The following PCDH15 variants were observed in gnomAD, a reference collection of about 807,000 sequenced individuals.
The protein encoded by PCDH15 is protocadherin related 15.
PCDH15 carries 129 observed loss-of-function variants against 178.5 expected under a neutral mutation model. The observed-to-expected ratio is 0.72, with a 90% CI of 0.63 to 0.84. The LOEUF is 0.84. PCDH15 is among the 40% of genes least tolerant of loss of function. PCDH15 has a pLI of 0.00. For missense variants in PCDH15, 2,230 were observed against 2,099.9 expected, an observed-to-expected ratio of 1.06 and a Z score of -1.21; for synonymous variants, 800 against 732.0, an observed-to-expected ratio of 1.09 and a Z score of -1.50.
At chr10:54,366,066 G>T (rs1946748915) in intron 5 of PCDH15, among the ~76,000 whole-genome samples, 1 of 152,070 alleles carries the variant, frequency 6.6e-6, no homozygotes, top group Non-Finnish European at 1.5e-5. Context: ...GATAAGTAGT[G>T]AGGGGATGAT....
chr10:54,996,752 A>T (rs1268217101), intron 2 of PCDH15, among the ~76,000 whole-genome samples: 1 of 152,068 alleles, frequency 6.6e-6, no homozygotes, highest in African/African-American at 2.4e-5. Context: ...TTAGTACATG[A>T]TGTTCTTCTG....
At chr10:54,039,379 A>G (rs1452930196) in intron 18 of PCDH15, among the ~76,000 whole-genome samples, 1 of 151,972 alleles carries the variant, frequency 6.6e-6, no homozygotes, top group Non-Finnish European at 1.5e-5. Flanking sequence ...ATTAAGGGCC[A>G]TATCACACAA....
At chr10:54,629,108 T>C (rs1411953266) in intron 2 of PCDH15, among the ~76,000 whole-genome samples, 1 of 152,060 alleles carries the variant, frequency 6.6e-6, no homozygotes. Context: ...ACAGTACTTA[T>C]TATTCCACCG....
intron 28 of PCDH15, among the ~76,000 whole-genome samples, chr10:53,846,983 T>TA (rs941593005): frequency 1.3e-5 from 2 of 152,008 alleles, no homozygotes; most frequent in African/African-American, 4.8e-5. Flanking sequence ...AGAGGCAGTG[T>TA]AACAGAGGAA....
At chr10:54,962,637 C>T (rs1187461514) in intron 2 of PCDH15, among the ~76,000 whole-genome samples, 1 of 152,182 alleles carries the variant, frequency 6.6e-6, no homozygotes, top group Non-Finnish European at 1.5e-5. Context: ...AAGCCATGGC[C>T]TCACACAGAA....
intron 1 of PCDH15, among the ~76,000 whole-genome samples, chr10:55,256,222 C>A (rs1841993399): frequency 6.6e-6 from 1 of 152,194 alleles, no homozygotes; most frequent in East Asian, 1.9e-4. Flanking sequence ...TTCCCCATTT[C>A]TTGTTTTTGT....
intron 1 of PCDH15, among the ~76,000 whole-genome samples, chr10:54,799,702 C>T (rs941624851): frequency 6.6e-6 from 1 of 152,038 alleles, no homozygotes; most frequent in Non-Finnish European, 1.5e-5. Context: ...CATTAAATGG[C>T]ACTTTTATTT....
At chr10:55,380,291 T>A (rs1837502858) in intron 2 of PCDH15, among the ~76,000 whole-genome samples, 1 of 152,092 alleles carries the variant, frequency 6.6e-6, no homozygotes. Context: ...TGTGAAAACA[T>A]TGGTTTTTAA....
Position 54,598,166 on chromosome 10 carries a change from G to A in PCDH15, c.91+66006C>T, listed in dbSNP as rs552976475. Among the ~76,000 whole-genome samples, 128 of 152,178 alleles carry A rather than the reference G, an allele frequency of 8.4e-4. 1 individual carries two copies. The highest frequency in any genetic ancestry group is 3.0e-3 in the African/African-American group (124 of 41,546). On this transcript the variant is annotated intron_variant, in intron 2 of 37. Transcript: ENST00000644397. The stretch of plus-strand genomic sequence containing the variant: ...ATCATCCTGATAACAAAACCTGGCA[G>A]AGACACAACAAAAAAGAGAACTTTA...
intron 2 of PCDH15, among the ~76,000 whole-genome samples, chr10:55,537,205 G>C (rs1304237221): frequency 6.6e-6 from 1 of 152,032 alleles, no homozygotes; most frequent in Non-Finnish European, 1.5e-5. Context: ...ATACATGCCA[G>C]AGAATCTTAG....
chr10:54,846,827 C>A (rs1284479070), intron 3 of PCDH15, among the ~76,000 whole-genome samples: 1 of 151,854 alleles, frequency 6.6e-6, no homozygotes, highest in Non-Finnish European at 1.5e-5. Flanking sequence ...ACCTGACTAA[C>A]CCTTAAGGAA....
intron 8 of PCDH15, among the ~76,000 whole-genome samples, chr10:54,263,080 G>GTATT (rs936588815): frequency 2.7e-5 from 4 of 148,506 alleles, no homozygotes; most frequent in Non-Finnish European, 5.9e-5. Context: ...TTGAAATACT[G>GTATT]TATTTTCTTT....
chr10:55,569,698 G>A (rs940483722), intron 2 of PCDH15, among the ~76,000 whole-genome samples: 4 of 151,716 alleles, frequency 2.6e-5, no homozygotes, highest in Admixed American at 6.6e-5. Flanking sequence ...AGTGGTCTTC[G>A]TTTTCTCCAA....
At chr10:54,200,163 G>A (rs2050078212) in intron 10 of PCDH15, among the ~76,000 whole-genome samples, 1 of 149,860 alleles carries the variant, frequency 6.7e-6, no homozygotes, top group South Asian at 2.1e-4. Context: ...ATTTAAAAAA[G>A]ACAATGGTAA....
chr10:54,207,857 T>G (rs1301455388), intron 10 of PCDH15, among the ~76,000 whole-genome samples: 1 of 152,092 alleles, frequency 6.6e-6, no homozygotes, highest in African/African-American at 2.4e-5. Flanking sequence ...AACCATTCCC[T>G]CTTATTTAGT....
chr10:54,568,808 C>A (rs1181655086), intron 2 of PCDH15: 2 of 151,916 alleles, frequency 1.3e-5, no homozygotes, highest in East Asian at 1.9e-4. Context: ...TATAGAATAG[C>A]AAATATGAGA....
At chr10:55,128,266 A>G (rs769080429) in intron 2 of PCDH15, among the ~76,000 whole-genome samples, 4 of 151,704 alleles carry the variant, frequency 2.6e-5, no homozygotes, top group Non-Finnish European at 4.4e-5. Context: ...AGATTGGGAA[A>G]ATGAGAATAT....
intron 1 of PCDH15, among the ~76,000 whole-genome samples, chr10:55,253,011 T>A (rs2132225676): frequency 6.6e-6 from 1 of 152,268 alleles, no homozygotes; most frequent in East Asian, 1.9e-4. Flanking sequence ...TCTGGAATGG[T>A]TGTGATGACA....
In PCDH15 at chr10:53,814,823, G is replaced by A. The variant is rs544140694; in HGVS notation, c.4491+1416C>T. Among the ~76,000 whole-genome samples, 18 of 152,180 alleles carry A rather than the reference G, an allele frequency of 1.2e-4. No individual in the cohort carries two copies. In the South Asian group the frequency reaches 3.7e-3, roughly 32 times the overall value. ...TACTAAAAATACAAAAATTAGCTGG[G>A]CATGGTGGCACACGCCTGTAATCCC... On this transcript the variant is annotated intron_variant, in intron 35 of 37. Coordinates refer to ENST00000644397, the MANE Select transcript of PCDH15 (RefSeq NM_001384140.1).
Sources: gnomAD v4.1 joint callset for allele counts (sites outside exome capture counted in the v4.1 genomes callset) on GRCh38, gnomAD v4.1.1 for gene constraint, MANE v1.5 for transcripts, NCBI Gene and HGNC (gene_info 2026-07-23, HGNC 2026-07-21) for gene names.